The following HK1 variants were observed in gnomAD, a reference collection of about 807,000 sequenced individuals.
The protein encoded by HK1 is hexokinase-1.
Under a neutral mutation model 91.6 loss-of-function variants are expected in HK1, and 28 were observed. That is an observed-to-expected ratio of 0.31 (90% confidence interval 0.23 to 0.42). The LOEUF (loss-of-function observed/expected upper bound fraction) is 0.42, where lower values mean the gene tolerates loss of function less well. Among genes scored for constraint, HK1 ranks in the 10% least tolerant of loss-of-function variants. HK1 has a pLI of 1.00. For synonymous variants in HK1, 430 were observed against 468.1 expected, an observed-to-expected ratio of 0.92 and a Z score of 1.05; for missense variants, 770 against 1,219.8, an observed-to-expected ratio of 0.63 and a Z score of 5.49.
intron 2 of HK1, among the ~76,000 whole-genome samples, chr10:69,283,888 T>A (rs997938174): frequency 6.6e-6 from 1 of 150,814 alleles, no homozygotes; most frequent in African/African-American, 2.4e-5. Context: ...GATCCTGGGG[T>A]TTAAGCCCAC....
intron 13 of HK1, among the ~76,000 whole-genome samples, chr10:69,388,550 ACACT>A (rs1344518728): frequency 6.6e-6 from 1 of 152,128 alleles, no homozygotes; most frequent in African/African-American, 2.4e-5. Flanking sequence ...ACACACACAC[ACACT>A]CACTTAAAAA....
chr10:69,344,932 T>TC (rs1589516494), intron 2 of HK1, among the ~76,000 whole-genome samples: 1 of 151,878 alleles, frequency 6.6e-6, no homozygotes, highest in East Asian at 1.9e-4. Context: ...GGGTTGTGAG[T>TC]ACACGACCAG....
In HK1 at chr10:69,283,150, A is replaced by G. The variant is rs559399107; in HGVS notation, c.-215+446A>G. 1.2e-3 allele frequency among the ~76,000 whole-genome samples: 164 copies of G among 142,156 alleles called. No homozygotes were observed. In the Middle Eastern group the frequency reaches 0.012, roughly 10 times the overall value. The allele number at this position is 142,156 out of a possible 152,430, so 93.3% of individuals were successfully genotyped here. ...AAAAAAAAAAAAAAAAAAAAAATGA[A>G]TGAAGGTATAATCTGGCAGGGTGCG... On this transcript the variant is annotated intron_variant, in intron 2 of 21. Transcript: ENST00000360289.
intron 4 of HK1, among the ~76,000 whole-genome samples, chr10:69,367,031 T>C (rs1327508535): frequency 6.6e-6 from 1 of 152,160 alleles, no homozygotes; most frequent in East Asian, 1.9e-4. Flanking sequence ...TAACAGCAGA[T>C]GTAGCCTGTT....
intron 1 of HK1, among the ~76,000 whole-genome samples, chr10:69,275,114 A>G (rs1048920207): frequency 2.0e-5 from 3 of 151,994 alleles, no homozygotes; most frequent in Non-Finnish European, 2.9e-5. Context: ...ACAATGGTCT[A>G]CTGCTCCCCT....
intron 2 of HK1, among the ~76,000 whole-genome samples, chr10:69,344,958 C>T (rs1415891720): frequency 1.3e-5 from 2 of 151,990 alleles, no homozygotes; most frequent in African/African-American, 4.8e-5. Flanking sequence ...ACAGCTTTCA[C>T]ACACCCCTGC....
intron 1 of HK1, among the ~76,000 whole-genome samples, chr10:69,279,015 T>C (rs1564748573): frequency 1.3e-5 from 2 of 152,172 alleles, no homozygotes; most frequent in Non-Finnish European, 2.9e-5. Flanking sequence ...TCAAAGACCA[T>C]CTTTATGCAA....
chr10:69,286,908 A>T lies in HK1; in HGVS notation c.-214-1763A>T, dbSNP rs547048342. Reference sequence around the variant, plus strand: ...ATCAGTGCCTCTGTCGAGGAAGCTCATAGAGAAACCAGGGACAAATCCTAG... The same window carrying T: ...ATCAGTGCCTCTGTCGAGGAAGCTCTTAGAGAAACCAGGGACAAATCCTAG... On this transcript the variant is annotated intron_variant, in intron 2 of 21. Coordinates refer to the HK1 transcript ENST00000360289. 2.6e-5 allele frequency among the ~76,000 whole-genome samples: 4 copies of T among 152,298 alleles called. No homozygotes were observed. In the East Asian group the frequency reaches 7.7e-4, roughly 29 times the overall value.
chr10:69,386,476 T>C, intron 13 of HK1, 58 bp downstream of exon 13: 1 of 1,344,216 alleles, frequency 7.4e-7, no homozygotes, highest in Non-Finnish European at 1.1e-6. Context: ...TTCTAAAAAG[T>C]GTATTTGCCT....
At chr10:69,312,412 G>T (rs10159599), upstream of HK1, among the ~76,000 whole-genome samples, 14,335 of 151,958 alleles carry the variant, frequency 0.094, 1,747 homozygotes, top group African/African-American at 0.28. Flanking sequence ...AATGTTCGTG[G>T]TTTTAGGAGA....
At chr10:69,372,675 G>T (rs1850074269) in intron 7 of HK1, among the ~76,000 whole-genome samples, 1 of 152,098 alleles carries the variant, frequency 6.6e-6, no homozygotes, top group South Asian at 2.1e-4. Flanking sequence ...TTTTCTCATT[G>T]GTAATCAGGG....
chr10:69,395,160 G>A, intron 16 of HK1, 55 bp downstream of exon 16: 1 of 1,583,246 alleles, frequency 6.3e-7, no homozygotes, highest in Middle Eastern at 1.7e-4. Context: ...TCGCCTGGCT[G>A]GTGGATTGTG....
Position 69,356,445 on chromosome 10 carries a change from A to G in HK1, c.227-3452A>G, listed in dbSNP as rs552506918. On this transcript the variant is annotated intron_variant, in intron 2 of 17. Coordinates refer to ENST00000359426, the MANE Select transcript of HK1 (RefSeq NM_000188.3). Reference sequence around the variant, plus strand: ...AGACCCTGTCTCAAACACAACAACAACAAACATAAAATGTTACTGCATCAA... The same window carrying G: ...AGACCCTGTCTCAAACACAACAACAGCAAACATAAAATGTTACTGCATCAA... Among the ~76,000 whole-genome samples the G allele has an allele frequency of 5.3e-5, 8 of 152,276 alleles. No homozygotes were observed. In the South Asian group the frequency reaches 1.7e-3, roughly 32 times the overall value.
chr10:69,338,788 TAGAG>T (rs1308147325), intron 1 of HK1: 10 of 936,638 alleles, frequency 1.1e-5, no homozygotes, highest in African/African-American at 1.7e-5. Context: ...TGTGTGTGTG[TAGAG>T]AGAGAGGGAA....
In HK1 at chr10:69,382,556, G is replaced by A. The variant is rs376133658; in HGVS notation, c.1335G>A (p.Ser445=). The change falls in exon 10 of 18, where the codon TCG becomes TCA. Residue 445 remains serine (S), a synonymous_variant. Coordinates refer to ENST00000359426, the MANE Select transcript of HK1 (RefSeq NM_000188.3). ...VPDSDVRFLL[S]ESGSGKGAAM... ...ACTCCGATGTGCGCTTCCTCCTCTC[G>A]GAGAGTGGCAGCGGCAAGGGGGCTG... The A allele has an allele frequency of 8.1e-6, 13 of 1,614,056 alleles. No homozygotes were observed. The highest frequency in any genetic ancestry group is 1.0e-5 in the Non-Finnish European group (12 of 1,180,046).
At chr10:69,308,853 C>A (rs900189985) in intron 5 of HK1, among the ~76,000 whole-genome samples, 1 of 152,204 alleles carries the variant, frequency 6.6e-6, no homozygotes, top group African/African-American at 2.4e-5. Context: ...CTACAAGAAT[C>A]TAATTGCACT....
chr10:69,299,802 C>A (rs1845761342), intron 4 of HK1, among the ~76,000 whole-genome samples: 1 of 151,338 alleles, frequency 6.6e-6, no homozygotes, highest in Non-Finnish European at 1.5e-5. Context: ...GCTGGGATTA[C>A]AGGCGCCTGC....
chr10:69,381,290 A>G (rs1379208227), intron 9 of HK1, among the ~76,000 whole-genome samples: 1 of 152,190 alleles, frequency 6.6e-6, no homozygotes, highest in African/African-American at 2.4e-5. Context: ...TGTCTCAAAA[A>G]AAGAAAGAGA....
upstream of HK1, among the ~76,000 whole-genome samples, chr10:69,311,356 G>T (rs959346109): frequency 7.2e-5 from 11 of 152,094 alleles, no homozygotes; most frequent in East Asian, 2.1e-3. Context: ...TGAGGAGGAT[G>T]GTGGGTTAGA....
Sources: gnomAD v4.1 joint callset for allele counts (sites outside exome capture counted in the v4.1 genomes callset) on GRCh38, gnomAD v4.1.1 for gene constraint, MANE v1.5 for transcripts, NCBI Gene and HGNC (gene_info 2026-07-23, HGNC 2026-07-21) for gene names.